LRRC18: variants seen among roughly 807,000 people sequenced by gnomAD.
LRRC18 encodes the protein leucine rich repeat containing 18, also known as leucine-rich repeat-containing protein 18.
A neutral mutation model predicts 11.2 loss-of-function variants in LRRC18; 12 were observed. The ratio of observed to expected loss-of-function variants is 1.07; its 90% confidence interval spans 0.69 to 1.74. The LOEUF is 1.74. Ranked by LOEUF, LRRC18 falls within the 40% of genes most tolerant of loss-of-function variation. LRRC18 has a pLI of 0.00. For synonymous variants in LRRC18, 155 were observed against 130.6 expected (o/e 1.19, Z -1.27); for missense variants, 374 against 330.5 (o/e 1.13, Z -1.02).
At chr10:48,921,698 C>T in the LRRC18 span, among the ~76,000 whole-genome samples, 7 of 152,094 alleles carry the variant, frequency 4.6e-5, no homozygotes, top group South Asian at 4.1e-4. Context: ...TATCCAAAAT[C>T]TATAAAGATC....
chr10:48,926,660 G>A, the LRRC18 span, among the ~76,000 whole-genome samples: 1 of 152,158 alleles, frequency 6.6e-6, no homozygotes, highest in African/African-American at 2.4e-5. Context: ...CATTTTCATA[G>A]ATGTACCATA....
chr10:48,911,115 A>G (rs1837961464), intron 1 of LRRC18, among the ~76,000 whole-genome samples: 1 of 152,198 alleles, frequency 6.6e-6, no homozygotes, highest in South Asian at 2.1e-4. Flanking sequence ...TGGCTCCCTT[A>G]TGGATATGTC....
the LRRC18 span, among the ~76,000 whole-genome samples, chr10:48,929,478 G>C: frequency 6.6e-6 from 1 of 152,132 alleles, no homozygotes. Flanking sequence ...AAGTTGATTG[G>C]GTGGGTTAGA....
the LRRC18 span, among the ~76,000 whole-genome samples, chr10:48,928,578 G>A: frequency 6.6e-6 from 1 of 152,288 alleles, no homozygotes; most frequent in Non-Finnish European, 1.5e-5. Context: ...TATCCTGGGG[G>A]CCAAGAGGAC....
chr10:48,938,292 T>C, the LRRC18 span, among the ~76,000 whole-genome samples: 6,171 of 152,320 alleles, frequency 0.041, 407 homozygotes, highest in African/African-American at 0.14. Context: ...CCCTCTGTAG[T>C]TGTCTGCCAT....
At chr10:48,920,423 G>C in the LRRC18 span, among the ~76,000 whole-genome samples, 1 of 151,858 alleles carries the variant, frequency 6.6e-6, no homozygotes, top group Non-Finnish European at 1.5e-5. Context: ...GTTAAATGAC[G>C]AATTAATGGG....
upstream of LRRC18, among the ~76,000 whole-genome samples, chr10:48,915,602 G>A (rs1838446651): frequency 6.6e-6 from 1 of 152,128 alleles, no homozygotes; most frequent in African/African-American, 2.4e-5. Context: ...GAGCAATCAG[G>A]CTGTGTGGGA....
chr10:48,911,196 G>A (rs1450365111), intron 1 of LRRC18, among the ~76,000 whole-genome samples: 2 of 152,122 alleles, frequency 1.3e-5, no homozygotes, highest in Non-Finnish European at 2.9e-5. Context: ...TCTCAGACAC[G>A]GTCACTCCCC....
chr10:48,939,331 A>G, the LRRC18 span, among the ~76,000 whole-genome samples: 1 of 152,262 alleles, frequency 6.6e-6, no homozygotes, highest in Admixed American at 6.5e-5. Flanking sequence ...TTCCAGACCC[A>G]TGGTCTCACT....
exon 2 of LRRC18, chr10:48,910,001 T>C (rs1837855279): frequency 1.8e-6 from 1 of 543,716 alleles, no homozygotes; most frequent in East Asian, 2.9e-5. Context: ...TTTTTCTATA[T>C]ACATTTTAAA....
At chr10:48,937,986 G>A in the LRRC18 span, among the ~76,000 whole-genome samples, 1 of 152,160 alleles carries the variant, frequency 6.6e-6, no homozygotes, top group African/African-American at 2.4e-5. Context: ...AGGAAGCCTC[G>A]CCTGGCAATG....
At chr10:48,933,605 C>T in the LRRC18 span, among the ~76,000 whole-genome samples, 4 of 152,196 alleles carry the variant, frequency 2.6e-5, no homozygotes, top group Non-Finnish European at 4.4e-5. Flanking sequence ...TAGCTCATCC[C>T]TCCCTGAAAA....
At chr10:48,913,987 G>C (rs772839568) in exon 1 of LRRC18, 13 of 1,614,190 alleles carry the variant, frequency 8.1e-6, no homozygotes, top group Non-Finnish European at 1.1e-5. Flanking sequence ...TTCCGGCTAA[G>C]GTCCAGCTCG....
At chr10:48,937,111 C>T in the LRRC18 span, among the ~76,000 whole-genome samples, 1 of 151,990 alleles carries the variant, frequency 6.6e-6, no homozygotes, top group Non-Finnish European at 1.5e-5. Context: ...CTAGGCTGGT[C>T]TCGAACTCCT....
chr10:48,930,169 A>G, the LRRC18 span, among the ~76,000 whole-genome samples: 1 of 152,202 alleles, frequency 6.6e-6, no homozygotes, highest in Non-Finnish European at 1.5e-5. Context: ...ATGCCCTCAG[A>G]AAGGGTCTCA....
At chr10:48,916,820 A>G (rs1324701492), upstream of LRRC18, among the ~76,000 whole-genome samples, 2 of 63,490 alleles carry the variant, frequency 3.2e-5, no homozygotes, top group African/African-American at 9.6e-5. Context: ...GGAATAACCT[A>G]CTACAGACCC....
chr10:48,928,664 T>G, the LRRC18 span, among the ~76,000 whole-genome samples: 1 of 152,214 alleles, frequency 6.6e-6, no homozygotes, highest in East Asian at 1.9e-4. Context: ...CTTTCTGCAC[T>G]TCACACCCTC....
At chr10:48,911,276 C>T (rs1448769319) in intron 1 of LRRC18, among the ~76,000 whole-genome samples, 1 of 152,130 alleles carries the variant, frequency 6.6e-6, no homozygotes, top group Non-Finnish European at 1.5e-5. Flanking sequence ...AAGGACAGTG[C>T]TTAGTGCTGG....
At chr10:48,924,226 G>A in the LRRC18 span, among the ~76,000 whole-genome samples, 25 of 152,274 alleles carry the variant, frequency 1.6e-4, no homozygotes, top group African/African-American at 6.0e-4. Context: ...GGGGTCACCC[G>A]ACCTTGGCAG....
Sources: gnomAD v4.1 joint callset for allele counts (sites outside exome capture counted in the v4.1 genomes callset) on GRCh38, gnomAD v4.1.1 for gene constraint, MANE v1.5 for transcripts, NCBI Gene and HGNC (gene_info 2026-07-23, HGNC 2026-07-21) for gene names.